The following ANTXR2 variants were observed in gnomAD, a reference collection of about 807,000 sequenced individuals.
The protein encoded by ANTXR2 is anthrax toxin receptor 2.
Under a neutral mutation model 73.7 loss-of-function variants are expected in ANTXR2, and 44 were observed. The ratio of observed to expected loss-of-function variants is 0.60; its 90% CI spans 0.47 to 0.77. ANTXR2 has a LOEUF of 0.77. ANTXR2 is among the 30% of genes least tolerant of loss of function. The pLI is 0.00. For synonymous variants in ANTXR2, 217 were observed against 205.9 expected (o/e 1.05, Z -0.46); for missense variants, 604 against 592.5 (o/e 1.02, Z -0.20).
At chr4:80,068,636 G>A (rs1210570631) in intron 3 of ANTXR2, among the ~76,000 whole-genome samples, 1 of 152,142 alleles carries the variant, frequency 6.6e-6, no homozygotes, top group African/African-American at 2.4e-5. Flanking sequence ...GCCAGGTGTG[G>A]TGGCATGTGC....
chr4:80,052,072 C>A (rs181990921), intron 7 of ANTXR2, among the ~76,000 whole-genome samples: 23 of 151,496 alleles, frequency 1.5e-4, no homozygotes, highest in Middle Eastern at 3.4e-3. Context: ...ATCAATTTAG[C>A]AAATATTCTG....
At chr4:79,959,704 A>G (rs752315451) in intron 16 of ANTXR2, among the ~76,000 whole-genome samples, 1 of 152,350 alleles carries the variant, frequency 6.6e-6, no homozygotes, top group South Asian at 2.1e-4. Context: ...GAAAAGTTAT[A>G]TAACTACAAT....
intron 3 of ANTXR2, among the ~76,000 whole-genome samples, chr4:80,067,587 G>A (rs561435756): frequency 1.8e-4 from 27 of 152,312 alleles, no homozygotes; most frequent in African/African-American, 6.5e-4. Context: ...GCTGGGCAAT[G>A]GAGAAAATTT....
At chr4:80,057,282 G>A (rs1259182438) in intron 3 of ANTXR2, among the ~76,000 whole-genome samples, 1 of 151,878 alleles carries the variant, frequency 6.6e-6, no homozygotes, top group South Asian at 2.1e-4. Context: ...ATTTATATAG[G>A]TACATGTGTG....
intron 7 of ANTXR2, among the ~76,000 whole-genome samples, chr4:80,041,069 T>C (rs1019080683): frequency 3.3e-5 from 5 of 152,108 alleles, no homozygotes; most frequent in Non-Finnish European, 7.4e-5. Context: ...AAGTGCTTTT[T>C]ATGAATTTTT....
intron 16 of ANTXR2, among the ~76,000 whole-genome samples, chr4:79,930,559 G>T (rs1728019042): frequency 6.6e-6 from 1 of 152,178 alleles, no homozygotes; most frequent in Non-Finnish European, 1.5e-5. Context: ...CATCAGTGCT[G>T]TCAGGGCATA....
At chr4:80,043,201 C>T (rs143010797) in intron 7 of ANTXR2, among the ~76,000 whole-genome samples, 399 of 152,078 alleles carry the variant, frequency 2.6e-3, no homozygotes, top group Non-Finnish European at 4.4e-3. Context: ...AAAATTTATA[C>T]AAATATGGAA....
chr4:79,948,221 C>T (rs1728582287), intron 16 of ANTXR2, among the ~76,000 whole-genome samples: 1 of 152,130 alleles, frequency 6.6e-6, no homozygotes, highest in Non-Finnish European at 1.5e-5. Flanking sequence ...TGGGAAAATA[C>T]CCCCTCAAAT....
intron 11 of ANTXR2, among the ~76,000 whole-genome samples, chr4:80,015,806 G>A (rs1160449615): frequency 2.2e-5 from 3 of 139,522 alleles, no homozygotes; most frequent in African/African-American, 7.8e-5. Flanking sequence ...AAGAAAGAAG[G>A]AAGGATGGAA....
At chr4:80,056,178 TAGTA>T (rs1733986640) in intron 3 of ANTXR2, among the ~76,000 whole-genome samples, 165 bp from the exon 4 acceptor site, 1 of 151,970 alleles carries the variant, frequency 6.6e-6, no homozygotes, top group Non-Finnish European at 1.5e-5. Flanking sequence ...TTTGTAATTT[TAGTA>T]AGTATTTAAT....
At chr4:80,025,916 C>G (rs573593484) in intron 10 of ANTXR2, among the ~76,000 whole-genome samples, 1 of 152,144 alleles carries the variant, frequency 6.6e-6, no homozygotes, top group African/African-American at 2.4e-5. Context: ...TACTGGACAT[C>G]ACAGGAAAGC....
intron 2 of ANTXR2, among the ~76,000 whole-genome samples, chr4:80,071,125 A>T (rs1485046520): frequency 1.3e-5 from 2 of 152,212 alleles, no homozygotes; most frequent in Non-Finnish European, 2.9e-5. Context: ...CACACACACA[A>T]GTGCCTTTTC....
chr4:80,015,734 G>A (rs1453620537), intron 11 of ANTXR2, among the ~76,000 whole-genome samples: 1 of 147,374 alleles, frequency 6.8e-6, no homozygotes, highest in African/African-American at 2.5e-5. Context: ...CAGGAGGAGG[G>A]AGAGGAATAT....
chr4:80,019,798 G>C (rs904935703), intron 10 of ANTXR2, among the ~76,000 whole-genome samples: 2 of 152,064 alleles, frequency 1.3e-5, no homozygotes, highest in East Asian at 3.9e-4. Flanking sequence ...ACAAAGAAGA[G>C]ATAATAATTT....
intron 16 of ANTXR2, among the ~76,000 whole-genome samples, chr4:79,975,720 T>C (rs1351957406): frequency 6.6e-6 from 1 of 152,168 alleles, no homozygotes; most frequent in Non-Finnish European, 1.5e-5. Flanking sequence ...AGTTAGTACA[T>C]GTTGTTCCAG....
chr4:80,001,224 G>C (rs1257009147), intron 12 of ANTXR2, among the ~76,000 whole-genome samples: 1 of 151,724 alleles, frequency 6.6e-6, no homozygotes, highest in African/African-American at 2.4e-5. Flanking sequence ...GTGCAGGTTA[G>C]TTACATATGT....
chr4:79,983,998 T>C, intron 13 of ANTXR2, 28 bp from the exon 14 acceptor site: 1 of 1,445,200 alleles, frequency 6.9e-7, no homozygotes, highest in East Asian at 2.4e-5. Context: ...ATAAATAGTT[T>C]TTAATTAATT....
At chr4:79,974,761 GT>G (rs1191835098) in intron 16 of ANTXR2, among the ~76,000 whole-genome samples, 5 of 151,018 alleles carry the variant, frequency 3.3e-5, no homozygotes, top group African/African-American at 1.2e-4. Flanking sequence ...AGACAAAAGT[GT>G]GAGCATATTG....
chr4:80,058,472 T>C (rs1405758456), intron 3 of ANTXR2, among the ~76,000 whole-genome samples: 1 of 151,982 alleles, frequency 6.6e-6, no homozygotes, highest in Non-Finnish European at 1.5e-5. Context: ...CTACCTGAAG[T>C]CTGTCAGCCT....
Sources: gnomAD v4.1 joint callset for allele counts (sites outside exome capture counted in the v4.1 genomes callset) on GRCh38, gnomAD v4.1.1 for gene constraint, MANE v1.5 for transcripts, NCBI Gene and HGNC (gene_info 2026-07-23, HGNC 2026-07-21) for gene names.